Variants in EMC7 observed in about 807,000 individuals in gnomAD.
EMC7 encodes endoplasmic reticulum membrane protein complex subunit 7.
EMC7 carries 4 observed loss-of-function variants against 24.4 expected under a neutral mutation model. That is an observed-to-expected ratio of 0.16 (90% CI 0.08 to 0.38). The LOEUF (loss-of-function observed/expected upper bound fraction) is 0.38. Ranked by LOEUF, EMC7 falls within the 10% of genes least tolerant of loss-of-function variation. EMC7 has a pLI of 1.00. For missense variants in EMC7, 221 were observed against 300.6 expected (o/e 0.74, Z 1.96); for synonymous variants, 106 against 112.0 (o/e 0.95, Z 0.34).
chr15:34,093,064 T>C (rs771662113), intron 2 of EMC7, among the ~76,000 whole-genome samples: 8 of 151,968 alleles, frequency 5.3e-5, no homozygotes, highest in Non-Finnish European at 1.0e-4. Context: ...GTACTAAGCA[T>C]AAAAAAAAGA....
At chr15:34,090,251 G>A in intron 3 of EMC7, 66 bp downstream of exon 3, 3 of 1,489,608 alleles carry the variant, frequency 2.0e-6, no homozygotes, top group Non-Finnish European at 2.7e-6. Context: ...ACAGAGGTTT[G>A]AAGTTTCCAC....
chr15:34,090,626 C>A (rs372034094), intron 2 of EMC7, among the ~76,000 whole-genome samples, 171 bp from the exon 3 acceptor site: 1 of 152,160 alleles, frequency 6.6e-6, no homozygotes, highest in East Asian at 1.9e-4. Flanking sequence ...GCTTTATCTA[C>A]ATGTCTAAAA....
intron 1 of EMC7, 87 bp downstream of exon 1, chr15:34,101,517 T>C: frequency 7.1e-7 from 1 of 1,401,818 alleles, no homozygotes. Flanking sequence ...ACAGCGACGT[T>C]GTCCCGTCCT....
At chr15:34,095,416 T>C (rs1484903995) in intron 2 of EMC7, among the ~76,000 whole-genome samples, 1 of 152,194 alleles carries the variant, frequency 6.6e-6, no homozygotes, top group Non-Finnish European at 1.5e-5. Flanking sequence ...CTCAATTGTT[T>C]TCCCTAGAAA....
chr15:34,097,095 C>T (rs1374331058), intron 1 of EMC7, among the ~76,000 whole-genome samples: 16 of 119,690 alleles, frequency 1.3e-4, no homozygotes, highest in East Asian at 5.0e-4. Context: ...GTGCAGTGGC[C>T]CTATCTCGGC....
intron 1 of EMC7, among the ~76,000 whole-genome samples, chr15:34,099,230 GAAACA>G (rs1422803153): frequency 4.6e-5 from 7 of 151,994 alleles, no homozygotes; most frequent in African/African-American, 1.7e-4. Flanking sequence ...CAAAAGACAT[GAAACA>G]AAACAGTAGA....
At chr15:34,089,944 G>A (rs1036261414) in intron 3 of EMC7, among the ~76,000 whole-genome samples, 1 of 152,074 alleles carries the variant, frequency 6.6e-6, no homozygotes, top group African/African-American at 2.4e-5. Context: ...CAACAAGAGC[G>A]AAACCCCGTC....
At chr15:34,084,600 A>G (rs1197375685) in intron 4 of EMC7, 114 bp from the exon 5 acceptor site, 1 of 1,134,314 alleles carries the variant, frequency 8.8e-7, no homozygotes, top group East Asian at 2.4e-5. Context: ...ACTGGTTCTG[A>G]GCAATGATGC....
intron 3 of EMC7, among the ~76,000 whole-genome samples, chr15:34,089,572 CAT>C (rs1284392286): frequency 1.3e-5 from 2 of 152,138 alleles, no homozygotes; most frequent in Admixed American, 6.5e-5. Flanking sequence ...CTTCACTACA[CAT>C]GTTAAAAAAA....
chr15:34,094,798 G>C (rs1250672581), intron 2 of EMC7, among the ~76,000 whole-genome samples: 1 of 152,194 alleles, frequency 6.6e-6, no homozygotes, highest in African/African-American at 2.4e-5. Flanking sequence ...ATAGGAGCCG[G>C]TTATATAAAT....
At chr15:34,101,486 C>T (rs957371133) in intron 1 of EMC7, 118 bp downstream of exon 1, 7 of 1,066,824 alleles carry the variant, frequency 6.6e-6, no homozygotes, top group Non-Finnish European at 9.6e-6. Context: ...CCGTTAGCGG[C>T]ACCCTCCCCT....
Position 34,090,240 on chromosome 15 carries a change from C to T in EMC7, c.495+77G>A. The T allele has an allele frequency of 4.2e-6, 6 of 1,428,032 alleles. No individual in the cohort carries two copies. In the South Asian group the frequency reaches 9.0e-5, roughly 22 times the overall value. 88.5% of individuals were successfully genotyped at this position (1,428,032 alleles called of 1,614,324 possible). On this transcript the variant is annotated intron_variant, in intron 3 of 4. Transcript: ENST00000256545. Reference sequence around the variant, plus strand: ...CCAATCTGACCTCAGCTTTCTATCTCACAGAGGTTTGAAGTTTCCACTGCC... The same window carrying T: ...CCAATCTGACCTCAGCTTTCTATCTTACAGAGGTTTGAAGTTTCCACTGCC...
chr15:34,084,406 A>G lies in EMC7; in HGVS notation c.657T>C (p.Ser219=). The part of the protein sequence containing the change: ...DVSEFMTRLF[S]SKSSGKSSSG... ...TGCTAGATTTGCCAGATGATTTTGA[A>G]GAGAAGAGTCTTGTCATGAACTCAG... Residue 219 remains serine, a synonymous_variant, in exon 5 of 5, where the codon TCT becomes TCC. Transcript: ENST00000256545. 1.9e-6 allele frequency: 3 copies of G among 1,613,970 alleles called. No homozygotes were observed. The highest frequency in any genetic ancestry group is 2.5e-6 in the Non-Finnish European group (3 of 1,179,830).
rs559417742 is a variant in EMC7 at position 34,097,387 on chromosome 15, A to G, written c.237-1373T>C. On this transcript the variant is annotated intron_variant, in intron 1 of 4. Coordinates refer to ENST00000256545, the MANE Select transcript of EMC7 (RefSeq NM_020154.3). ...AAGGTATTTAAGTACCATTTGTTCT[A>G]TTTGCTATAAATAATTCCCATTTAC... is the stretch of plus-strand genomic sequence containing the variant. Among the ~76,000 whole-genome samples the G allele has an allele frequency of 5.9e-5, 9 of 152,208 alleles. No homozygotes were observed. The East Asian group carries it at 1.7e-3, about 29-fold the overall frequency.
chr15:34,095,432 T>C (rs1278427943), intron 2 of EMC7, among the ~76,000 whole-genome samples: 1 of 152,212 alleles, frequency 6.6e-6, no homozygotes, highest in Non-Finnish European at 1.5e-5. Flanking sequence ...AGAAATACTA[T>C]ATTTCCATTG....
rs143777576 is a variant in EMC7, at chr15:34,092,498, G to A, written c.357-2043C>T. Among the ~76,000 whole-genome samples the A allele has an allele frequency of 5.5e-3, 837 of 151,894 alleles. 18 individuals carry two copies. Among genetic ancestry groups the A allele is most frequent in the Admixed American group, 0.042 (636 of 15,262 alleles). The stretch of plus-strand genomic sequence containing the variant: ...TGAGTAGCTGGAATTACAGGCGCAC[G>A]CCACCATGTCCAGCTAATTTTTGTA... On this transcript the variant is annotated intron_variant, in intron 2 of 4. Transcript: ENST00000256545.
In EMC7 at chr15:34,101,654, G is replaced by A. The variant is rs764550728; in HGVS notation, c.186C>T (p.Ile62=). The A allele has an allele frequency of 2.0e-5, 32 of 1,613,564 alleles. 1 individual carries two copies. In the South Asian group the frequency reaches 3.4e-4, roughly 17 times the overall value. ...VVPGVKPQDW[I]SAARVLVDGE... Reference sequence around the variant, plus strand: ...CGTCTACCAGCACTCGGGCCGCCGAGATCCAGTCCTGAGGCTTCACCCCTG... The same window carrying A: ...CGTCTACCAGCACTCGGGCCGCCGAAATCCAGTCCTGAGGCTTCACCCCTG... The change falls in exon 1 of 5, where the codon ATC becomes ATT. Residue 62 remains isoleucine (I), a synonymous_variant. Coordinates refer to ENST00000256545, the MANE Select transcript of EMC7 (RefSeq NM_020154.3).
chr15:34,096,181 T>C (rs2140871423), intron 1 of EMC7, among the ~76,000 whole-genome samples, 167 bp from the exon 2 acceptor site: 1 of 152,346 alleles, frequency 6.6e-6, no homozygotes, highest in South Asian at 2.1e-4. Flanking sequence ...TCTTTTCTTT[T>C]TTCTTTTGAG....
chr15:34,092,039 G>C (rs1900980228), intron 2 of EMC7, among the ~76,000 whole-genome samples: 1 of 152,142 alleles, frequency 6.6e-6, no homozygotes, highest in African/African-American at 2.4e-5. Flanking sequence ...GCCAAGGTGG[G>C]TGGATCATTT....
Sources: allele counts gnomAD v4.1 joint callset (sites outside exome capture counted in the v4.1 genomes callset), GRCh38; gene constraint gnomAD v4.1.1; transcripts MANE v1.5; gene names NCBI Gene and HGNC (gene_info 2026-07-23, HGNC 2026-07-21).